Variants in COL20A1 observed in about 807,000 individuals in gnomAD.
COL20A1 encodes the protein collagen alpha-1(XX) chain.
In COL20A1, 164 loss-of-function variants were observed where a neutral mutation model predicts 152.9. That is an observed-to-expected ratio of 1.07 (90% CI 0.94 to 1.22). The LOEUF (loss-of-function observed/expected upper bound fraction) is 1.22. Among genes scored for constraint, COL20A1 ranks in the 50% most tolerant of loss-of-function variants. COL20A1 has a pLI of 0.00. For synonymous variants in COL20A1, 864 were observed against 756.0 expected, an observed-to-expected ratio of 1.14 and a Z score of -2.34; for missense variants, 1,873 against 1,744.8, an observed-to-expected ratio of 1.07 and a Z score of -1.31.
rs752366565 is a variant in COL20A1 at position 63,312,839 on chromosome 20, G to A, written c.1981G>A (p.Asp661Asn). 2 of 1,561,042 alleles carry A rather than the reference G, an allele frequency of 1.3e-6. No individual in the cohort carries two copies. The highest frequency in any genetic ancestry group is 1.9e-5 in the Admixed American group (1 of 52,914). ...SQLSMTELPG[D>N]AVQLAWVAAA... The stretch of plus-strand genomic sequence containing the variant: ...GCTGTCCATGACGGAGCTGCCAGGG[G>A]ATGCAGTCCAGCTGGCGTGGGTGGC... The change falls in exon 16 of 36, where the codon GAT (aspartate) becomes AAT (asparagine). Residue 661 changes from aspartate (D) to asparagine (N), a missense_variant. Asp to Asn is a conservative substitution (Grantham distance 23). Coordinates refer to ENST00000358894, the MANE Select transcript of COL20A1 (RefSeq NM_020882.4).
Position 63,313,288 on chromosome 20 carries a change from C to T in COL20A1, c.2209+39C>T. 6.3e-7 allele frequency: 1 copy of T among 1,580,742 alleles called. No homozygotes were observed. The highest frequency in any genetic ancestry group is 8.6e-7 in the Non-Finnish European group (1 of 1,160,208). ...CACTTCCCCTCTGCTGGGTGTGGGG[C>T]AGGGATGGCCCAGGGGATCCCTGAC... On this transcript the variant is annotated intron_variant, in intron 17 of 35. Transcript: ENST00000358894. This position sits in a 1 kb window ranked among gnomAD's most constrained non-coding sequence, Gnocchi z 5.9.
At position 63,310,455 on chromosome 20, in the gene COL20A1, G is replaced by T. The variant is rs765221853; in HGVS notation, c.1338G>T (p.Val446=). The change falls in exon 11 of 36, where the codon GTG becomes GTT. Residue 446 remains valine, a synonymous_variant. Coordinates refer to ENST00000358894, the MANE Select transcript of COL20A1 (RefSeq NM_020882.4). ...LASRTEYLVS[V]FPIYEGGVGE... is the part of the protein sequence containing the mutation. ...CCCGCACAGAGTACCTGGTCTCCGT[G>T]TTCCCCATCTATGAGGGCGGGGTTG... 1.9e-6 allele frequency: 3 copies of T among 1,609,418 alleles called. No homozygotes were observed.
chr20:63,319,970 T>C lies in COL20A1; in HGVS notation c.2917-69T>C. On this transcript the variant is annotated intron_variant, in intron 23 of 35. Transcript: ENST00000358894. This position sits in a 1 kb window ranked among gnomAD's most constrained non-coding sequence, Gnocchi z 4.4. ...TGGGTGTTACTCCCCAGCCCTGGCCTGGCCTTGGGGGCTCAGGTGGGCACC... is the reference window on the plus strand; with the variant it reads ...TGGGTGTTACTCCCCAGCCCTGGCCCGGCCTTGGGGGCTCAGGTGGGCACC... 7.5e-7 allele frequency: 1 copy of C among 1,329,988 alleles called. No individual in the cohort carries two copies. The highest frequency in any genetic ancestry group is 1.3e-5 in the South Asian group (1 of 75,746). 82.4% of individuals were successfully genotyped at this position (1,329,988 alleles called of 1,614,324 possible).
At position 63,319,542 on chromosome 20, in the gene COL20A1, G is replaced by C. The variant is rs1197462367; in HGVS notation, c.2862G>C (p.Glu954Asp). 4.4e-6 allele frequency: 7 copies of C among 1,598,614 alleles called. No individual in the cohort carries two copies. Residue 954 changes from glutamate (E) to aspartate (D), a missense_variant, in exon 23 of 36, where the codon GAG (glutamate) becomes GAC (aspartate). Physicochemically the swap from Glu to Asp is conservative, Grantham distance 45. Coordinates refer to ENST00000358894, the MANE Select transcript of COL20A1 (RefSeq NM_020882.4). This position sits in a 1 kb window ranked among gnomAD's most constrained non-coding sequence, Gnocchi z 4.4. ...GTGACCCCAGGGCTGCCTTGCAGGA[G>C]GCCACCTTCGACCCGCAGGAAGTGA... The part of the protein sequence containing the change: ...FHRDPRAALQ[E>D]ATFDPQEVRK...
Position 63,309,850 on chromosome 20 carries a change from G to T in COL20A1, c.1198G>T (p.Ala400Ser). 1 of 1,611,092 alleles carries T rather than the reference G, an allele frequency of 6.2e-7. No homozygotes were observed. The highest frequency in any genetic ancestry group is 1.7e-4 in the Middle Eastern group (1 of 6,044). The change falls in exon 10 of 36, where the codon GCC (alanine) becomes TCC (serine). Residue 400 changes from alanine to serine, a missense_variant. Transcript: ENST00000358894. ...CAGCATCCGCCTGTCCTGGACTCCA[G>T]CCCCCCGGCACCCCCTCAAGTATCT... ...SSSIRLSWTPAPRHPLKYLIV... is the reference protein window; with the variant it reads ...SSSIRLSWTPSPRHPLKYLIV...
Position 63,295,100 on chromosome 20 carries a change from C to G in COL20A1, c.-8C>G, listed in dbSNP as rs183105977. ...GCATGGCCTCTTCCCTGCCACAGCC[C>G]GAGCACCATGAGCTCCGGAGACCCT... is the stretch of plus-strand genomic sequence containing the variant. On this transcript the variant is annotated splice_region_variant and 5_prime_UTR_variant, in exon 2 of 36. Transcript: ENST00000358894. 2 of 1,547,002 alleles carry G rather than the reference C, an allele frequency of 1.3e-6. No individual in the cohort carries two copies. The highest frequency in any genetic ancestry group is 8.7e-7 in the Non-Finnish European group (1 of 1,144,630).
chr20:63,310,194 C>T (rs1408120960), intron 10 of COL20A1, among the ~76,000 whole-genome samples, 187 bp from the exon 11 acceptor site: 4 of 152,040 alleles, frequency 2.6e-5, no homozygotes, highest in African/African-American at 7.2e-5. Context: ...TTTGATTGAT[C>T]GATCGATGGA....
intron 3 of COL20A1, among the ~76,000 whole-genome samples, chr20:63,303,874 T>G (rs1169389970): frequency 1.4e-5 from 2 of 146,552 alleles, no homozygotes; most frequent in Non-Finnish European, 3.0e-5. Flanking sequence ...TGTGCAGGTG[T>G]GGGTTCCACC....
chr20:63,309,606 C>A, intron 9 of COL20A1, 109 bp downstream of exon 9: 1 of 1,266,160 alleles, frequency 7.9e-7, no homozygotes, highest in Non-Finnish European at 1.1e-6. Context: ...GCTCCTGTGG[C>A]TCTGAGGGGG....
intron 27 of COL20A1, 150 bp downstream of exon 27, chr20:63,322,261 A>C: frequency 1.7e-6 from 1 of 602,834 alleles, no homozygotes; most frequent in Non-Finnish European, 2.7e-6. Flanking sequence ...ACAGGCAGGG[A>C]CCCCAGCACC....
At chr20:63,297,815 C>T (rs775437972) in intron 2 of COL20A1, 95 bp from the exon 3 acceptor site, 9 of 951,930 alleles carry the variant, frequency 9.5e-6, no homozygotes, top group African/African-American at 1.6e-5. Flanking sequence ...CTGTGTTCCT[C>T]CCAAATGCTG....
Position 63,308,622 on chromosome 20 carries a change from C to T in COL20A1, c.856C>T (p.Leu286=), listed in dbSNP as rs769244238. The T allele has an allele frequency of 1.1e-5, 17 of 1,606,530 alleles. No homozygotes were observed. In the South Asian group the frequency reaches 1.9e-4, roughly 18 times the overall value. The change falls in exon 8 of 36, where the codon CTG becomes TTG. Residue 286 remains leucine (L), a synonymous_variant. Transcript: ENST00000358894. ...TCCAGAGGCAGCCAAGGTGGTGATT[C>T]TGGTGACGGACGGCAAGTCCCAGGA... ...LRPEAAKVVI[L]VTDGKSQDDV... is the part of the protein sequence containing the mutation.
rs561610491 is a variant in COL20A1 at position 63,313,891 on chromosome 20, C to A, written c.2358C>A (p.Ser786=). The change falls in exon 18 of 36, where the codon TCC becomes TCA. Residue 786 remains serine, a splice_region_variant and synonymous_variant. Transcript: ENST00000358894. The surrounding 1 kb of genome is among the most constrained non-coding windows in gnomAD (Gnocchi z 5.9). ...APASGLGPEK[S]VSVPGARSHV... Reference sequence around the variant, plus strand: ...CCTCTGGCTTGGGACCCGAGAAATCCGTGAGTCTTGGTAGAGCCTGAGGCT... The same window carrying A: ...CCTCTGGCTTGGGACCCGAGAAATCAGTGAGTCTTGGTAGAGCCTGAGGCT... 3 of 1,599,578 alleles carry A rather than the reference C, an allele frequency of 1.9e-6. No homozygotes were observed. In the African/African-American group the frequency reaches 4.0e-5, roughly 21 times the overall value.
Position 63,316,671 on chromosome 20 carries a change from C to A in COL20A1, c.2643C>A (p.Ala881=). The A allele has an allele frequency of 6.4e-7, 1 of 1,571,182 alleles. No homozygotes were observed. The highest frequency in any genetic ancestry group is 1.2e-5 in the South Asian group (1 of 85,452). The change falls in exon 21 of 36, where the codon GCC becomes GCA. Residue 881 remains alanine (A), a synonymous_variant. Transcript: ENST00000358894. ...GTPTFTLFKD[A]QLTRRVSDVY... is the part of the protein sequence containing the mutation. Reference sequence around the variant, plus strand: ...CGACCTTCACGCTCTTCAAGGACGCCCAGCTGACAAGACGGGTCAGGTGTG... The same window carrying A: ...CGACCTTCACGCTCTTCAAGGACGCACAGCTGACAAGACGGGTCAGGTGTG...
intron 31 of COL20A1, chr20:63,327,166 G>A (rs75676194): frequency 0.029 from 6,919 of 242,182 alleles, 490 homozygotes; most frequent in African/African-American, 0.15. Context: ...AGGGACTTGT[G>A]TTTACCACTC....
chr20:63,303,597 A>G (rs2067884451), intron 3 of COL20A1, among the ~76,000 whole-genome samples: 1 of 152,208 alleles, frequency 6.6e-6, no homozygotes, highest in South Asian at 2.1e-4. Context: ...ACTGCCAGGC[A>G]CACAGTGAAA....
Position 63,319,971 on chromosome 20 carries a change from G to C in COL20A1, c.2917-68G>C. 7.5e-7 allele frequency: 1 copy of C among 1,337,888 alleles called. No homozygotes were observed. The highest frequency in any genetic ancestry group is 1.3e-5 in the South Asian group (1 of 76,138). 82.9% of individuals were successfully genotyped at this position (1,337,888 alleles called of 1,614,324 possible). On this transcript the variant is annotated intron_variant, in intron 23 of 35. Transcript: ENST00000358894. The surrounding 1 kb of genome is among the most constrained non-coding windows in gnomAD (Gnocchi z 4.4). ...GGGTGTTACTCCCCAGCCCTGGCCT[G>C]GCCTTGGGGGCTCAGGTGGGCACCG... is the stretch of plus-strand genomic sequence containing the variant.
chr20:63,294,996 A>T (rs1345959019), intron 1 of COL20A1, 102 bp from the exon 2 acceptor site: 18 of 711,330 alleles, frequency 2.5e-5, no homozygotes, highest in Non-Finnish European at 4.0e-5. Context: ...GTGTGGGGAC[A>T]GGCTGCCTGG....
chr20:63,302,468 G>A (rs1236956799), intron 3 of COL20A1, among the ~76,000 whole-genome samples: 1 of 152,118 alleles, frequency 6.6e-6, no homozygotes, highest in Non-Finnish European at 1.5e-5. Context: ...TTACAGGCAC[G>A]TGCCACCACG....
Sources: allele counts gnomAD v4.1 joint callset (sites outside exome capture counted in the v4.1 genomes callset), GRCh38; gene constraint gnomAD v4.1.1; non-coding constraint Gnocchi (gnomAD v3.1); transcripts MANE v1.5; gene names NCBI Gene and HGNC (gene_info 2026-07-23, HGNC 2026-07-21).